The following SBF2 variants were observed in gnomAD, a reference collection of about 807,000 sequenced individuals.
SBF2 encodes the protein SET binding factor 2.
In SBF2, 112 loss-of-function variants were observed where a neutral mutation model predicts 225.2. The observed-to-expected ratio is 0.50, with a 90% CI of 0.43 to 0.58. The LOEUF (loss-of-function observed/expected upper bound fraction) is 0.58, where lower values mean the gene tolerates loss of function less well. Among genes scored for constraint, SBF2 ranks in the 20% least tolerant of loss-of-function variants. SBF2 has a pLI of 0.00. For missense variants in SBF2, 1,996 were observed against 2,206.2 expected (o/e 0.90, Z 1.91); for synonymous variants, 763 against 773.3 (o/e 0.99, Z 0.22).
chr11:9,920,605 GA>G (rs1863541550), intron 16 of SBF2, among the ~76,000 whole-genome samples: 1 of 152,170 alleles, frequency 6.6e-6, no homozygotes, highest in South Asian at 2.1e-4. Context: ...TCACATGTGA[GA>G]AGAGACATTA....
intron 2 of SBF2, among the ~76,000 whole-genome samples, chr11:10,145,454 A>G (rs1442958126): frequency 6.6e-6 from 1 of 152,082 alleles, no homozygotes; most frequent in Non-Finnish European, 1.5e-5. Flanking sequence ...AGATTTAAGG[A>G]AAGAAGAAAG....
At chr11:10,054,273 C>T (rs1301386072) in intron 2 of SBF2, among the ~76,000 whole-genome samples, 1 of 152,174 alleles carries the variant, frequency 6.6e-6, no homozygotes, top group East Asian at 1.9e-4. Context: ...AGAATACATA[C>T]AAACTGACTA....
chr11:10,282,200 TC>T (rs1467533976), intron 1 of SBF2, among the ~76,000 whole-genome samples: 2 of 152,204 alleles, frequency 1.3e-5, no homozygotes, highest in Non-Finnish European at 2.9e-5. Flanking sequence ...CCCAGGGTTT[TC>T]CATGATACCA....
At chr11:10,214,381 T>C (rs1958051049) in intron 1 of SBF2, among the ~76,000 whole-genome samples, 1 of 152,198 alleles carries the variant, frequency 6.6e-6, no homozygotes, top group African/African-American at 2.4e-5. Context: ...CCCAACACTT[T>C]TGGAGTCCGA....
chr11:10,054,522 C>A (rs941316211), intron 2 of SBF2, among the ~76,000 whole-genome samples: 1 of 151,884 alleles, frequency 6.6e-6, no homozygotes, highest in Non-Finnish European at 1.5e-5. Flanking sequence ...ACTAAGGCCC[C>A]GAAAGTAAAT....
chr11:10,054,835 A>T (rs991926840), intron 2 of SBF2, among the ~76,000 whole-genome samples: 2 of 152,190 alleles, frequency 1.3e-5, no homozygotes, highest in Non-Finnish European at 2.9e-5. Flanking sequence ...AGGAAAATGC[A>T]AACTAAAACC....
In SBF2 at chr11:9,802,479, T is replaced by C. The variant is rs1331138553; in HGVS notation, c.4443+5521A>G. On this transcript the variant is annotated intron_variant, in intron 32 of 39. Transcript: ENST00000256190. ...CAAGCCTAGGCATATGTCCATGGAC[T>C]GCCTTTTGGCATTCAATGTTAGAAA... Among the ~76,000 whole-genome samples the C allele has an allele frequency of 4.6e-5, 7 of 152,226 alleles. No homozygotes were observed. The East Asian group carries it at 1.3e-3, about 29-fold the overall frequency.
intron 1 of SBF2, among the ~76,000 whole-genome samples, chr11:10,265,497 G>A (rs1304461837): frequency 1.8e-5 from 2 of 112,758 alleles, no homozygotes; most frequent in Admixed American, 1.1e-4. Flanking sequence ...AGAAATCGGG[G>A]GGGGGGAGAG....
intron 1 of SBF2, among the ~76,000 whole-genome samples, chr11:10,218,903 G>A (rs554200652): frequency 1.9e-4 from 29 of 152,332 alleles, no homozygotes; most frequent in Non-Finnish European, 3.5e-4. Flanking sequence ...CTTGATTCCT[G>A]TGGCTTTGCA....
intron 10 of SBF2, 115 bp from the exon 11 acceptor site, chr11:9,993,218 A>G: frequency 1.4e-6 from 1 of 731,690 alleles, no homozygotes; most frequent in Non-Finnish European, 2.4e-6. Flanking sequence ...TATATCCACC[A>G]AAACAATTAC....
At chr11:10,183,357 T>A (rs1956810532) in intron 2 of SBF2, among the ~76,000 whole-genome samples, 1 of 151,896 alleles carries the variant, frequency 6.6e-6, no homozygotes, top group Non-Finnish European at 1.5e-5. Context: ...GGGAAACTTC[T>A]AAAAAAAATG....
At position 9,853,694 on chromosome 11, in the gene SBF2, A is replaced by T. The variant is rs760398088; in HGVS notation, c.2382T>A (p.Ala794=). The T allele has an allele frequency of 1.9e-6, 3 of 1,613,950 alleles. No homozygotes were observed. Among genetic ancestry groups the T allele is most frequent in the Non-Finnish European group, 2.5e-6 (3 of 1,179,866 alleles). Residue 794 remains alanine (A), a synonymous_variant, in exon 20 of 40, where the codon GCT becomes GCA. Coordinates refer to ENST00000256190, the MANE Select transcript of SBF2 (RefSeq NM_030962.4). ...ACCCACTCTCTGTATCATAGCTCTCAGCTACACTTCCTGCAATACTAAGAC... is the reference window on the plus strand; with the variant it reads ...ACCCACTCTCTGTATCATAGCTCTCTGCTACACTTCCTGCAATACTAAGAC... ...IVTNSIAGSV[A]ESYDTESGFE...
chr11:9,783,624 T>TAAAG (rs1447081338), intron 38 of SBF2, among the ~76,000 whole-genome samples: 1 of 152,064 alleles, frequency 6.6e-6, no homozygotes, highest in Non-Finnish European at 1.5e-5. Context: ...ATCACTGGAG[T>TAAAG]AAAGACTATG....
chr11:10,286,164 A>ACGCG (rs903545207), intron 1 of SBF2, among the ~76,000 whole-genome samples: 36 of 111,718 alleles, frequency 3.2e-4, no homozygotes, highest in African/African-American at 8.5e-4. Context: ...AAACACGCAC[A>ACGCG]CGCACACACA....
At chr11:9,879,668 C>T (rs765095078) in intron 17 of SBF2, among the ~76,000 whole-genome samples, 9 of 152,126 alleles carry the variant, frequency 5.9e-5, no homozygotes, top group Non-Finnish European at 8.8e-5. Flanking sequence ...AACAAATATT[C>T]GCTGTGCACG....
intron 1 of SBF2, among the ~76,000 whole-genome samples, chr11:10,252,598 C>G (rs12290428): frequency 0.015 from 2,230 of 152,246 alleles, 50 homozygotes; most frequent in African/African-American, 0.049. Flanking sequence ...ATCACGAGGT[C>G]AAGAGATCGA....
chr11:10,286,921 A>T (rs992842195), intron 1 of SBF2, among the ~76,000 whole-genome samples: 1 of 152,238 alleles, frequency 6.6e-6, no homozygotes, highest in African/African-American at 2.4e-5. Flanking sequence ...AGAGAAATAA[A>T]AACATGAACA....
chr11:9,995,146 TATA>T (rs1947637919), intron 9 of SBF2, among the ~76,000 whole-genome samples: 1 of 151,912 alleles, frequency 6.6e-6, no homozygotes, highest in African/African-American at 2.4e-5. Context: ...TGCAAAAATA[TATA>T]AAGTGCAATA....
At chr11:9,795,450 C>A (rs1016033915) in intron 33 of SBF2, among the ~76,000 whole-genome samples, 8 of 152,102 alleles carry the variant, frequency 5.3e-5, no homozygotes, top group African/African-American at 1.9e-4. Flanking sequence ...GGGATTTTAC[C>A]CTGGTCTGTT....
Sources: gnomAD v4.1 joint callset for allele counts (sites outside exome capture counted in the v4.1 genomes callset) on GRCh38, gnomAD v4.1.1 for gene constraint, MANE v1.5 for transcripts, NCBI Gene and HGNC (gene_info 2026-07-23, HGNC 2026-07-21) for gene names.